Variants in NT5DC3 observed in about 807,000 individuals in gnomAD.
NT5DC3 encodes the protein 5'-nucleotidase domain containing 3.
In NT5DC3, 42 loss-of-function variants were observed where a neutral mutation model predicts 67.8. The observed-to-expected ratio is 0.62, with a 90% confidence interval of 0.48 to 0.80. The LOEUF (loss-of-function observed/expected upper bound fraction) is 0.80. Ranked by LOEUF, NT5DC3 falls within the 30% of genes least tolerant of loss-of-function variation. The probability of loss-of-function intolerance (pLI) is 0.00; values close to 1 mark genes in which losing one functional copy is unlikely to be tolerated. For synonymous variants in NT5DC3, 237 were observed against 255.6 expected, an observed-to-expected ratio of 0.93 and a Z score of 0.69; for missense variants, 570 against 696.4, an observed-to-expected ratio of 0.82 and a Z score of 2.04.
intron 2 of NT5DC3, among the ~76,000 whole-genome samples, chr12:103,810,624 T>C (rs1363557294): frequency 6.6e-6 from 1 of 152,258 alleles, no homozygotes; most frequent in Non-Finnish European, 1.5e-5. Flanking sequence ...GTACCTTGAC[T>C]TTGTTCTAAT....
At chr12:103,766,110 A>G (rs1593366776), downstream of NT5DC3, 2 of 825,726 alleles carry the variant, frequency 2.4e-6, no homozygotes, top group East Asian at 5.4e-5. Flanking sequence ...AGGTGGCCCT[A>G]CCCCCAGCCC....
At position 103,780,350 on chromosome 12, in the gene NT5DC3, A is replaced by C. The variant is rs1351049990; in HGVS notation, c.1344T>G (p.Ala448=). The change falls in exon 13 of 14, where the codon GCT becomes GCG. Residue 448 remains alanine (A), a synonymous_variant. Transcript: ENST00000392876. ...ACTCCTGCAAAACCAGCTGTGACTCAGCATCTCTGTGAACCTGTAGGACAC... is the reference window on the plus strand; with the variant it reads ...ACTCCTGCAAAACCAGCTGTGACTCCGCATCTCTGTGAACCTGTAGGACAC... The part of the protein sequence containing the change: ...LLEQMQVHRD[A]ESQLVLQEWK... 1 of 1,614,076 alleles carries C rather than the reference A, an allele frequency of 6.2e-7. No homozygotes were observed. Among genetic ancestry groups the C allele is most frequent in the African/African-American group, 1.3e-5 (1 of 75,054 alleles).
chr12:103,746,755 G>A, the NT5DC3 span: 4 of 1,576,856 alleles, frequency 2.5e-6, no homozygotes, highest in African/African-American at 2.7e-5. Flanking sequence ...TGGGAGAGGA[G>A]CAGGACTTGC....
chr12:103,753,281 C>T, the NT5DC3 span: 3 of 1,614,240 alleles, frequency 1.9e-6, no homozygotes, highest in Non-Finnish European at 8.5e-7. Context: ...TGACCTTTGA[C>T]AAAGCCAGAG....
chr12:103,806,990 A>G (rs1886827828), intron 2 of NT5DC3, 61 bp from the exon 3 acceptor site: 2 of 977,928 alleles, frequency 2.0e-6, no homozygotes, highest in Non-Finnish European at 3.3e-6. Flanking sequence ...GATCCTGTCC[A>G]GATCTGGCCC....
intron 9 of NT5DC3, chr12:103,789,149 C>T (rs1025796842): frequency 3.0e-5 from 14 of 473,380 alleles, no homozygotes; most frequent in Admixed American, 6.9e-5. Flanking sequence ...GGGGGCTGGG[C>T]GCAGTAGCTC....
the NT5DC3 span, among the ~76,000 whole-genome samples, chr12:103,749,603 A>T: frequency 2.6e-5 from 4 of 151,474 alleles, no homozygotes; most frequent in South Asian, 8.4e-4. Context: ...GCCGAGGCAG[A>T]TGGATCACGA....
chr12:103,767,734 G>A (rs1391997564), downstream of NT5DC3, among the ~76,000 whole-genome samples: 1 of 151,944 alleles, frequency 6.6e-6, no homozygotes, highest in Non-Finnish European at 1.5e-5. Context: ...CCTTCCTTCA[G>A]AAGGCAAAGG....
At chr12:103,788,052 A>G (rs1885871610) in intron 10 of NT5DC3, among the ~76,000 whole-genome samples, 5 of 152,250 alleles carry the variant, frequency 3.3e-5, no homozygotes, top group Admixed American at 3.3e-4. Flanking sequence ...ATGTATTCAT[A>G]TTTTTAAAAA....
rs948097997 is a variant in NT5DC3 at position 103,804,961 on chromosome 12, G to T, written c.524+1361C>A. On this transcript the variant is annotated intron_variant, in intron 4 of 13. Transcript: ENST00000392876. ...AGCTCTTTGGGAGGCTAAAGCAGGA[G>T]AATCACTTGAACCTGGGAGGCAGAG... 8.6e-5 allele frequency among the ~76,000 whole-genome samples: 13 copies of T among 151,838 alleles called. 1 individual carries two copies. The highest frequency in any genetic ancestry group is 2.0e-4 in the Admixed American group (3 of 15,264).
At chr12:103,809,415 C>T (rs1886937688) in intron 2 of NT5DC3, among the ~76,000 whole-genome samples, 1 of 152,226 alleles carries the variant, frequency 6.6e-6, no homozygotes, top group Non-Finnish European at 1.5e-5. Context: ...CTGAGAAATA[C>T]ACAATGTTTA....
chr12:103,818,923 G>A (rs552576014), intron 1 of NT5DC3, among the ~76,000 whole-genome samples: 6 of 152,296 alleles, frequency 3.9e-5, no homozygotes, highest in South Asian at 2.1e-4. Context: ...AAGGGGAATC[G>A]CTTACAGAAT....
At chr12:103,759,277 C>T in the NT5DC3 span, 8 of 1,613,542 alleles carry the variant, frequency 5.0e-6, no homozygotes, top group African/African-American at 1.3e-5. Flanking sequence ...CCAACCGGTA[C>T]AAAGTCTTCT....
chr12:103,751,729 T>C, the NT5DC3 span, among the ~76,000 whole-genome samples: 28 of 152,342 alleles, frequency 1.8e-4, no homozygotes, highest in East Asian at 3.1e-3. Flanking sequence ...CTGTCCCACC[T>C]GTTCCCAAAG....
At chr12:103,766,161 G>A (rs542678309), downstream of NT5DC3, 23 of 1,293,752 alleles carry the variant, frequency 1.8e-5, no homozygotes, top group Middle Eastern at 1.9e-4. Context: ...AAACAAACAC[G>A]CCCAGCACAT....
the NT5DC3 span, among the ~76,000 whole-genome samples, chr12:103,765,255 G>C: frequency 6.6e-6 from 1 of 152,116 alleles, no homozygotes; most frequent in African/African-American, 2.4e-5. Context: ...CCTTCTGAGG[G>C]CTCTATCAGC....
At chr12:103,765,436 G>A in the NT5DC3 span, among the ~76,000 whole-genome samples, 2 of 152,184 alleles carry the variant, frequency 1.3e-5, no homozygotes, top group Non-Finnish European at 2.9e-5. Context: ...TATTTTTAGT[G>A]ACTCCAGACA....
At chr12:103,783,187 C>T (rs778682029) in intron 12 of NT5DC3, among the ~76,000 whole-genome samples, 4 of 152,164 alleles carry the variant, frequency 2.6e-5, no homozygotes, top group Admixed American at 2.0e-4. Flanking sequence ...TAAGGGAACA[C>T]TGAGGAAGAG....
rs964824405 is a variant in NT5DC3, at chr12:103,825,899, GTTC to G, written c.209-10781_209-10779del. On this transcript the variant is annotated intron_variant, in intron 1 of 13. Coordinates refer to ENST00000392876, the MANE Select transcript of NT5DC3 (RefSeq NM_001031701.3). ...ATGCCATCCACATGCTGTGCACCGG[GTTC>G]TTCTCATTCATCACCTCAATTAATG... Among the ~76,000 whole-genome samples, 10 of 152,296 alleles carry G rather than the reference GTTC, an allele frequency of 6.6e-5. 1 individual carries two copies. Among genetic ancestry groups the G allele is most frequent in the Admixed American group, 1.3e-4 (2 of 15,296 alleles).
Sources: allele counts gnomAD v4.1 joint callset (sites outside exome capture counted in the v4.1 genomes callset), GRCh38; gene constraint gnomAD v4.1.1; transcripts MANE v1.5; gene names NCBI Gene and HGNC (gene_info 2026-07-23, HGNC 2026-07-21).